HOXB3: variants seen among roughly 807,000 people sequenced by gnomAD.
The protein encoded by HOXB3 is homeobox protein Hox-B3.
HOXB3 carries 17 observed loss-of-function variants against 29.2 expected under a neutral mutation model. That is an observed-to-expected ratio of 0.58 (90% CI 0.40 to 0.87). The LOEUF is 0.87. Ranked by LOEUF, HOXB3 falls within the 40% of genes least tolerant of loss-of-function variation. The probability of loss-of-function intolerance (pLI) is 0.00; values close to 1 mark genes in which losing one functional copy is unlikely to be tolerated. For missense variants in HOXB3, 637 were observed against 616.3 expected, an observed-to-expected ratio of 1.03 and a Z score of -0.35; for synonymous variants, 317 against 285.9, an observed-to-expected ratio of 1.11 and a Z score of -1.10.
intron 2 of HOXB3, among the ~76,000 whole-genome samples, chr17:48,570,288 A>G (rs1417875676): frequency 6.6e-6 from 1 of 152,202 alleles, no homozygotes; most frequent in East Asian, 1.9e-4. Flanking sequence ...CAACTCAAAT[A>G]TAAACAAAAT....
Position 48,550,301 on chromosome 17 carries a change from C to T in HOXB3, c.*33G>A, listed in dbSNP as rs766683458. 1.2e-5 allele frequency: 19 copies of T among 1,612,722 alleles called. 1 individual carries two copies. In the South Asian group the frequency reaches 1.6e-4, roughly 14 times the overall value. On this transcript the variant is annotated 3_prime_UTR_variant, in exon 5 of 5. Transcript: ENST00000498678. ...AGAGCTCCACAGTCTCTCTCTTCCT[C>T]CCCATCCCCTAATCCTCGTTCGCCC... is the stretch of plus-strand genomic sequence containing the variant.
At chr17:48,555,681 C>G (rs919476044) in intron 2 of HOXB3, 63 bp from the exon 3 acceptor site, 1 of 694,076 alleles carries the variant, frequency 1.4e-6, no homozygotes, top group Non-Finnish European at 2.6e-6. Flanking sequence ...CCCCCCGCCC[C>G]CGCCCCGCAA....
rs931563731 is a variant in HOXB3 at position 48,549,103 on chromosome 17, A to G, written c.*1231T>C. 1.3e-5 allele frequency: 2 copies of G among 152,688 alleles called. No individual in the cohort carries two copies. Among genetic ancestry groups the G allele is most frequent in the Admixed American group, 1.3e-4 (2 of 15,288 alleles). The allele number at this position is 152,688 out of a possible 1,614,324, so 9.5% of individuals were successfully genotyped here. A position where few individuals can be genotyped will look rare whatever the true frequency, so the allele number is the denominator to read the frequency against. On this transcript the variant is annotated 3_prime_UTR_variant, in exon 5 of 5. Transcript: ENST00000498678. ...AATCTACAGCTCTTTTCTAGAGTAC[A>G]ATAGTAACTAAAATAGCTGGTTTTA... is the stretch of plus-strand genomic sequence containing the variant.
chr17:48,561,395 T>A (rs2069193763), intron 2 of HOXB3, among the ~76,000 whole-genome samples: 1 of 152,146 alleles, frequency 6.6e-6, no homozygotes, highest in Non-Finnish European at 1.5e-5. Flanking sequence ...GGGCTACTCC[T>A]CAGCTGAGAA....
chr17:48,550,196 G>A lies in HOXB3; in HGVS notation c.*138C>T, dbSNP rs1020510174. ...CCTCTCAGGCCAGGGGGAAGGGAAG[G>A]AGCTCCAGGCCGGTTCTGACCAGGA... On this transcript the variant is annotated 3_prime_UTR_variant, in exon 5 of 5. Coordinates refer to ENST00000498678, the MANE Select transcript of HOXB3 (RefSeq NM_001384749.1). The A allele has an allele frequency of 4.9e-5, 55 of 1,121,902 alleles. 1 individual carries two copies. The South Asian group carries it at 6.2e-4, about 13-fold the overall frequency. The allele number at this position is 1,121,902 out of a possible 1,614,324, so 69.5% of individuals were successfully genotyped here.
At chr17:48,568,650 CGG>C (rs55686813) in intron 2 of HOXB3, among the ~76,000 whole-genome samples, 6 of 151,182 alleles carry the variant, frequency 4.0e-5, no homozygotes, top group African/African-American at 1.2e-4. Context: ...CACACACGCG[CGG>C]ACACACACAC....
At chr17:48,574,054 A>C in intron 1 of HOXB3, 40 bp from the exon 2 acceptor site, 1 of 588,782 alleles carries the variant, frequency 1.7e-6, no homozygotes, top group Non-Finnish European at 3.0e-6. Flanking sequence ...ACGTATTTAA[A>C]GAAAAGAAGT....
chr17:48,581,657 C>G (rs2144907811), intron 1 of HOXB3: 1 of 152,432 alleles, frequency 6.6e-6, no homozygotes, highest in East Asian at 1.9e-4. Context: ...GGCCGGCGGC[C>G]GGGCCTCTCT....
chr17:48,562,803 T>G (rs942440113), intron 2 of HOXB3, among the ~76,000 whole-genome samples: 1 of 152,086 alleles, frequency 6.6e-6, no homozygotes, highest in South Asian at 2.1e-4. Context: ...CAAAACAATT[T>G]CCAGGCAAAG....
chr17:48,551,910 G>A (rs2068764258), intron 4 of HOXB3, 117 bp downstream of exon 4: 2 of 926,506 alleles, frequency 2.2e-6, no homozygotes, highest in African/African-American at 1.7e-5. Flanking sequence ...GTACCCGCTG[G>A]CCACCTAATA....
chr17:48,577,500 G>C (rs1321076539), intron 1 of HOXB3, among the ~76,000 whole-genome samples: 1 of 152,208 alleles, frequency 6.6e-6, no homozygotes. Context: ...ACTGGGAGTT[G>C]ACTCAACTCT....
At position 48,551,123 on chromosome 17, in the gene HOXB3, C is replaced by G; in HGVS notation, c.507G>C (p.Gly169=). 1 of 1,346,032 alleles carries G rather than the reference C, an allele frequency of 7.4e-7. No individual in the cohort carries two copies. The highest frequency in any genetic ancestry group is 9.5e-7 in the Non-Finnish European group (1 of 1,049,070). The allele number at this position is 1,346,032 out of a possible 1,614,324, so 83.4% of individuals were successfully genotyped here. Residue 169 remains glycine, a synonymous_variant, in exon 5 of 5, where the codon GGG becomes GGC. Transcript: ENST00000498678. ...CTCCCCCGCCGCCGCCGCCACCGCC[C>G]CCGCTGCCACCACTGCCTCCGCCGC... The part of the protein sequence containing the change: ...GGGGGGSGGS[G]GGGGGGGGGD...
At chr17:48,560,212 C>G (rs1046697004) in intron 2 of HOXB3, 7 of 152,392 alleles carry the variant, frequency 4.6e-5, no homozygotes, top group Admixed American at 2.0e-4. Context: ...GGAACGGGCC[C>G]AGTCCCTGAG....
chr17:48,576,643 C>G, intron 1 of HOXB3: 1 of 1,148,616 alleles, frequency 8.7e-7, no homozygotes, highest in Non-Finnish European at 1.2e-6. Context: ...CCCAGGGCCC[C>G]CTCCTGTCCC....
rs145329732 is a variant in HOXB3 at position 48,570,012 on chromosome 17, C to G, written c.-247+3825G>C. Among the ~76,000 whole-genome samples the G allele has an allele frequency of 2.5e-3, 388 of 152,326 alleles. 1 individual carries two copies. The highest frequency in any genetic ancestry group is 5.4e-3 in the Admixed American group (83 of 15,306). On this transcript the variant is annotated intron_variant, in intron 2 of 4. Coordinates refer to ENST00000498678, the MANE Select transcript of HOXB3 (RefSeq NM_001384749.1). ...TCTCTACCTATGTCACACCCTGTCT[C>G]ATTTCCCCCCCTTCCCAAACCCACC...
At chr17:48,576,996 T>TC in intron 1 of HOXB3, 1 of 1,605,456 alleles carries the variant, frequency 6.2e-7, no homozygotes, top group Non-Finnish European at 8.5e-7. Context: ...GCGCTTGGGC[T>TC]CCCCGCCGGC....
At chr17:48,586,067 C>T (rs1361813837) in intron 1 of HOXB3, among the ~76,000 whole-genome samples, 2 of 152,240 alleles carry the variant, frequency 1.3e-5, no homozygotes, top group Non-Finnish European at 2.9e-5. Flanking sequence ...CAGCCCGGAT[C>T]CACTAGGGGA....
chr17:48,553,699 A>T (rs1051199329), intron 3 of HOXB3: 3 of 97,198 alleles, frequency 3.1e-5, no homozygotes, highest in African/African-American at 8.2e-5. Context: ...AGGTTCCCTG[A>T]GGCAAAAAAA....
chr17:48,576,417 A>G (rs2069763503), intron 1 of HOXB3: 1 of 261,028 alleles, frequency 3.8e-6, no homozygotes, highest in Non-Finnish European at 7.2e-6. Context: ...GCCTCCTCCT[A>G]TTTCTCTTTC....
Sources: allele counts gnomAD v4.1 joint callset (sites outside exome capture counted in the v4.1 genomes callset), GRCh38; gene constraint gnomAD v4.1.1; transcripts MANE v1.5; gene names NCBI Gene and HGNC (gene_info 2026-07-23, HGNC 2026-07-21).